Variants in HERC1 observed in about 807,000 individuals in gnomAD.
HERC1 encodes the protein HECT and RLD domain containing E3 ubiquitin protein ligase family member 1.
In HERC1, 160 loss-of-function variants were observed where a neutral mutation model predicts 554.3. The ratio of observed to expected loss-of-function variants is 0.29; its 90% confidence interval spans 0.25 to 0.33. The LOEUF (loss-of-function observed/expected upper bound fraction) is 0.33. Ranked by LOEUF, HERC1 falls within the 10% of genes least tolerant of loss-of-function variation. The pLI is 1.00. For synonymous variants in HERC1, 2,175 were observed against 2,131.7 expected (o/e 1.02, Z -0.56); for missense variants, 4,919 against 5,918.5 (o/e 0.83, Z 5.54).
intron 34 of HERC1, among the ~76,000 whole-genome samples, chr15:63,684,225 G>C (rs781273737): frequency 1.3e-5 from 2 of 152,188 alleles, no homozygotes; most frequent in Non-Finnish European, 2.9e-5. Context: ...TTTGCAACAA[G>C]GGACTGATCA....
intron 25 of HERC1, among the ~76,000 whole-genome samples, chr15:63,701,337 A>G (rs953248464): frequency 6.6e-6 from 1 of 152,228 alleles, no homozygotes; most frequent in African/African-American, 2.4e-5. Context: ...TAAAGGTTCA[A>G]TTATGAATCT....
chr15:63,652,663 C>A, intron 51 of HERC1, 122 bp from the exon 52 acceptor site: 1 of 816,922 alleles, frequency 1.2e-6, no homozygotes, highest in East Asian at 3.1e-5. Flanking sequence ...CCATTCCTTT[C>A]TTTTCTTGAG....
At chr15:63,820,475 G>T (rs1225852342) in intron 1 of HERC1, among the ~76,000 whole-genome samples, 4 of 152,044 alleles carry the variant, frequency 2.6e-5, no homozygotes, top group African/African-American at 7.3e-5. Flanking sequence ...TCTAAATTAG[G>T]TTAACCACTT....
At position 63,758,721 on chromosome 15, in the gene HERC1, C is replaced by T. The variant is rs894678557; in HGVS notation, c.1027-352G>A. On this transcript the variant is annotated intron_variant, in intron 3 of 77. Transcript: ENST00000443617. This position sits in a 1 kb window ranked among gnomAD's most constrained non-coding sequence, Gnocchi z 4.0. ...AAATTTTACCTTTTAAATATATGTC[C>T]TTCCAGAATTGTTCATATACAAATT... Among the ~76,000 whole-genome samples the T allele has an allele frequency of 2.6e-5, 4 of 152,062 alleles. No individual in the cohort carries two copies.
rs142427069 is a variant in HERC1, at chr15:63,803,304, C to T, written c.-26-27655G>A. 2.1e-3 allele frequency among the ~76,000 whole-genome samples: 316 copies of T among 152,318 alleles called. 9 individuals are homozygous for T. The East Asian group carries it at 0.055, about 26-fold the overall frequency. ...ACAGAGAGGCTAAATAGCCCAAGGT[C>T]ACAACTGCCAGTAATTGATAGAGTA... On this transcript the variant is annotated intron_variant, in intron 1 of 77. Transcript: ENST00000443617.
rs77620446 is a variant in HERC1, at chr15:63,811,414, T to C, written c.-27+22413A>G. 2.8e-3 allele frequency among the ~76,000 whole-genome samples: 431 copies of C among 152,320 alleles called. 1 individual carries two copies. Among genetic ancestry groups the C allele is most frequent in the African/African-American group, 9.8e-3 (409 of 41,556 alleles). On this transcript the variant is annotated intron_variant, in intron 1 of 77. Transcript: ENST00000443617. ...ATTTGTGAATCTAGGTGAAAAGCGCTATTCTTCATTTTTTCTATAAATCTG... is the reference window on the plus strand; with the variant it reads ...ATTTGTGAATCTAGGTGAAAAGCGCCATTCTTCATTTTTTCTATAAATCTG...
chr15:63,729,213 T>G (rs2074172804), intron 16 of HERC1, 23 bp downstream of exon 16: 1 of 1,581,146 alleles, frequency 6.3e-7, no homozygotes, highest in Non-Finnish European at 8.6e-7. Context: ...CTGATTAAAT[T>G]TGAAATGAAA....
chr15:63,641,018 C>CTCAAT (rs1416151786), intron 60 of HERC1, among the ~76,000 whole-genome samples: 1 of 152,152 alleles, frequency 6.6e-6, no homozygotes, highest in Non-Finnish European at 1.5e-5. Context: ...AATGACCCTA[C>CTCAAT]TCAATTCAAC....
intron 12 of HERC1, among the ~76,000 whole-genome samples, chr15:63,739,194 A>AAT (rs1567071803): frequency 2.0e-5 from 1 of 50,640 alleles, no homozygotes; most frequent in Non-Finnish European, 5.0e-5. Flanking sequence ...CCACTAATAT[A>AAT]CTTTTTTTTT....
chr15:63,751,974 A>G (rs1225973098), intron 8 of HERC1, among the ~76,000 whole-genome samples: 1 of 152,198 alleles, frequency 6.6e-6, no homozygotes. Flanking sequence ...CTTCATAAAA[A>G]AAGAAGCACA....
intron 25 of HERC1, among the ~76,000 whole-genome samples, chr15:63,700,973 C>A (rs553245610): frequency 6.6e-6 from 1 of 151,696 alleles, no homozygotes; most frequent in South Asian, 2.1e-4. Flanking sequence ...CTGTATTTAG[C>A]CTTAACTTAC....
chr15:63,817,845 C>T (rs2077547382), intron 1 of HERC1, among the ~76,000 whole-genome samples: 1 of 152,036 alleles, frequency 6.6e-6, no homozygotes, highest in Admixed American at 6.6e-5. Context: ...GCTCTTTATA[C>T]TATTCCCTCT....
At chr15:63,796,281 T>A (rs2076810137) in intron 1 of HERC1, among the ~76,000 whole-genome samples, 1 of 152,342 alleles carries the variant, frequency 6.6e-6, no homozygotes, top group East Asian at 1.9e-4. Flanking sequence ...AACAGTTACA[T>A]CTTCTGCAAC....
chr15:63,771,494 G>A (rs141274060), intron 2 of HERC1, among the ~76,000 whole-genome samples: 2 of 150,914 alleles, frequency 1.3e-5, no homozygotes, highest in Non-Finnish European at 3.0e-5. Context: ...GCAATGGTGC[G>A]ATCTCAGCTC....
chr15:63,760,872 A>G (rs1216979803), intron 3 of HERC1, among the ~76,000 whole-genome samples: 3 of 152,168 alleles, frequency 2.0e-5, no homozygotes, highest in Non-Finnish European at 4.4e-5. Context: ...ATATCAAGAC[A>G]TATTCTATAG....
chr15:63,690,890 G>A (rs2072067446), intron 31 of HERC1, among the ~76,000 whole-genome samples: 1 of 152,066 alleles, frequency 6.6e-6, no homozygotes, highest in Non-Finnish European at 1.5e-5. Flanking sequence ...AAGTATCTGT[G>A]CCAGATACTA....
rs1178366321 is a variant in HERC1, at chr15:63,666,061, G to C, written c.8413C>G (p.Gln2805Glu). The stretch of plus-strand genomic sequence containing the variant: ...CTAGAGTCTGCTGTGCTGCCCGACT[G>C]GGGCTCCTCTTCATCCTCATGCCCA... Reference protein sequence around the residue: ...HPGHEDEEEPQSGSTADSRPG... With the variant: ...HPGHEDEEEPESGSTADSRPG... Residue 2805 changes from glutamine to glutamate, a missense_variant, in exon 42 of 78, where the codon CAG (glutamine) becomes GAG (glutamate). Coordinates refer to ENST00000443617, the MANE Select transcript of HERC1 (RefSeq NM_003922.4). The C allele has an allele frequency of 6.2e-7, 1 of 1,613,868 alleles. No homozygotes were observed.
chr15:63,751,207 C>T (rs748500333), intron 8 of HERC1, among the ~76,000 whole-genome samples: 3 of 152,074 alleles, frequency 2.0e-5, no homozygotes, highest in Non-Finnish European at 4.4e-5. Flanking sequence ...GTTTTGATGC[C>T]AGTATTTTTA....
chr15:63,758,136 A>G lies in HERC1; in HGVS notation c.1221+39T>C, dbSNP rs1427114138. On this transcript the variant is annotated intron_variant, in intron 4 of 77. Coordinates refer to ENST00000443617, the MANE Select transcript of HERC1 (RefSeq NM_003922.4). The surrounding 1 kb of genome is among the most constrained non-coding windows in gnomAD (Gnocchi z 4.0). Reference sequence around the variant, plus strand: ...ATGCAAATAAGCATGAATATACACCAGATTATCTACCAGTTTGTAAGCTAT... The same window carrying G: ...ATGCAAATAAGCATGAATATACACCGGATTATCTACCAGTTTGTAAGCTAT... 1 of 1,430,856 alleles carries G rather than the reference A, an allele frequency of 7.0e-7. No homozygotes were observed. 88.6% of individuals were successfully genotyped at this position (1,430,856 alleles called of 1,614,324 possible). A position where few individuals can be genotyped will look rare whatever the true frequency, so the allele number is the denominator to read the frequency against.
Sources: allele counts gnomAD v4.1 joint callset (sites outside exome capture counted in the v4.1 genomes callset), GRCh38; gene constraint gnomAD v4.1.1; non-coding constraint Gnocchi (gnomAD v3.1); transcripts MANE v1.5; gene names NCBI Gene and HGNC (gene_info 2026-07-23, HGNC 2026-07-21).